ZNF814: variants seen among roughly 807,000 people sequenced by gnomAD.
The protein encoded by ZNF814 is zinc finger protein 814.
A neutral mutation model predicts 7.5 loss-of-function variants in ZNF814; 5 were observed. The observed-to-expected ratio is 0.67, with a 90% CI of 0.35 to 1.40. ZNF814 has a LOEUF of 1.40. ZNF814 is among the 40% of genes most tolerant of loss of function. The pLI, the probability that ZNF814 is intolerant of heterozygous loss-of-function variation, is 0.04. For missense variants in ZNF814, 962 were observed against 1,018.0 expected (o/e 0.94, Z 0.75); for synonymous variants, 315 against 340.7 (o/e 0.92, Z 0.83).
the ZNF814 span, among the ~76,000 whole-genome samples, chr19:57,895,344 C>T: frequency 1.3e-5 from 2 of 150,456 alleles, no homozygotes; most frequent in African/African-American, 2.4e-5. Flanking sequence ...GGTGCGATCT[C>T]GGCTCACTGC....
intron 1 of ZNF814, among the ~76,000 whole-genome samples, chr19:57,887,682 C>T (rs1053905612): frequency 1.3e-5 from 2 of 152,154 alleles, no homozygotes; most frequent in Admixed American, 1.3e-4. Flanking sequence ...TACCCACCCC[C>T]CTTTCCTCAA....
intron 2 of ZNF814, 125 bp from the exon 3 acceptor site, chr19:57,875,351 G>A: frequency 1.3e-6 from 2 of 1,591,776 alleles, no homozygotes; most frequent in Non-Finnish European, 1.7e-6. Context: ...CAGGATGTTG[G>A]CTTCAGGCGG....
the ZNF814 span, among the ~76,000 whole-genome samples, chr19:57,898,450 G>A: frequency 2.6e-5 from 4 of 152,182 alleles, no homozygotes; most frequent in Non-Finnish European, 5.9e-5. Flanking sequence ...CCGCATTAGG[G>A]TATCATTTTT....
upstream of ZNF814, among the ~76,000 whole-genome samples, chr19:57,890,223 A>G (rs2071727211): frequency 6.6e-6 from 1 of 152,262 alleles, no homozygotes; most frequent in South Asian, 2.1e-4. Flanking sequence ...TTATCAGGAC[A>G]GGGAAATTGC....
chr19:57,877,968 C>T (rs2071619397), intron 1 of ZNF814, among the ~76,000 whole-genome samples: 1 of 151,868 alleles, frequency 6.6e-6, no homozygotes, highest in Admixed American at 6.6e-5. Context: ...AGTTTCAGAC[C>T]AGCCTGGTTA....
At chr19:57,893,770 A>G (rs575468968), upstream of ZNF814, among the ~76,000 whole-genome samples, 2 of 151,244 alleles carry the variant, frequency 1.3e-5, no homozygotes, top group East Asian at 4.0e-4. Context: ...AATTGAAAAA[A>G]TAAGCCGGGT....
chr19:57,877,396 C>A (rs991106045), intron 1 of ZNF814, among the ~76,000 whole-genome samples: 1 of 152,170 alleles, frequency 6.6e-6, no homozygotes, highest in African/African-American at 2.4e-5. Context: ...GTGACTGCCA[C>A]ACACCACTGG....
chr19:57,886,872 G>A (rs1447451010), intron 1 of ZNF814, among the ~76,000 whole-genome samples: 1 of 150,444 alleles, frequency 6.6e-6, no homozygotes, highest in African/African-American at 2.5e-5. Context: ...AGACTGAGAC[G>A]CTGTCTCAGT....
the ZNF814 span, among the ~76,000 whole-genome samples, chr19:57,901,901 CAAT>C: frequency 1.7e-4 from 26 of 152,230 alleles, no homozygotes; most frequent in East Asian, 5.8e-4. Flanking sequence ...AGGTGTACAA[CAAT>C]GACAGAACCT....
At chr19:57,888,296 T>C (rs1024086479) in intron 1 of ZNF814, among the ~76,000 whole-genome samples, 2 of 152,228 alleles carry the variant, frequency 1.3e-5, no homozygotes, top group African/African-American at 4.8e-5. Context: ...AATTGCCTCC[T>C]TCGAACTCCA....
chr19:57,876,143 A>G (rs2071605909), intron 2 of ZNF814, among the ~76,000 whole-genome samples: 1 of 151,752 alleles, frequency 6.6e-6, no homozygotes, highest in South Asian at 2.1e-4. Flanking sequence ...ATTTTAGTAG[A>G]GACAGGGTTT....
intron 1 of ZNF814, among the ~76,000 whole-genome samples, chr19:57,883,174 G>C (rs1366382521): frequency 6.8e-6 from 1 of 148,112 alleles, no homozygotes; most frequent in Non-Finnish European, 1.5e-5. Context: ...CTGGCTAATG[G>C]GGTGAAACCC....
At chr19:57,877,091 T>C (rs761248041) in intron 1 of ZNF814, 49 bp from the exon 2 acceptor site, 1 of 1,605,746 alleles carries the variant, frequency 6.2e-7, no homozygotes, top group Non-Finnish European at 8.5e-7. Context: ...TATGCTGAGG[T>C]ATCACAATCC....
chr19:57,895,737 C>T, the ZNF814 span, among the ~76,000 whole-genome samples: 4 of 152,116 alleles, frequency 2.6e-5, no homozygotes, highest in African/African-American at 9.7e-5. Flanking sequence ...TCCTTTGGGC[C>T]GGTGGGTTTC....
Position 57,884,048 on chromosome 19 carries a change from A to C in ZNF814, c.36+4719T>G, listed in dbSNP as rs4801529. Among the ~76,000 whole-genome samples, 67 of 152,126 alleles carry C rather than the reference A, an allele frequency of 4.4e-4. 1 individual carries two copies. ...CTGGGATTATAGGCGTGAGTCACCGAGCCTGGCCGACAAAGACTTCTTGAG... is the reference window on the plus strand; with the variant it reads ...CTGGGATTATAGGCGTGAGTCACCGCGCCTGGCCGACAAAGACTTCTTGAG... On this transcript the variant is annotated intron_variant, in intron 1 of 2. Coordinates refer to ENST00000435989, the MANE Select transcript of ZNF814 (RefSeq NM_001144989.2).
At chr19:57,897,813 T>C in the ZNF814 span, among the ~76,000 whole-genome samples, 1 of 152,134 alleles carries the variant, frequency 6.6e-6, no homozygotes, top group Non-Finnish European at 1.5e-5. Flanking sequence ...AGAGGAATAA[T>C]TGATTCTAAT....
At chr19:57,892,711 G>A (rs1393384952), upstream of ZNF814, among the ~76,000 whole-genome samples, 3 of 152,224 alleles carry the variant, frequency 2.0e-5, no homozygotes, top group Admixed American at 6.5e-5. Context: ...CTGACAAGCA[G>A]CCACCTGAAC....
At chr19:57,904,360 G>A in the ZNF814 span, among the ~76,000 whole-genome samples, 421 of 152,172 alleles carry the variant, frequency 2.8e-3, no homozygotes, top group Non-Finnish European at 4.9e-3. Flanking sequence ...CCATACTGGC[G>A]TTGGCCCCTG....
chr19:57,871,687 G>T lies in ZNF814; in HGVS notation c.*1135C>A, dbSNP rs2071558140. On this transcript the variant is annotated 3_prime_UTR_variant, in exon 3 of 3. Coordinates refer to ENST00000435989, the MANE Select transcript of ZNF814 (RefSeq NM_001144989.2). ...CCGTCTTTTCAAGTCAACGTAAGAGGCCTCTGGGATAAAAATGGGTAACGT... is the reference window on the plus strand; with the variant it reads ...CCGTCTTTTCAAGTCAACGTAAGAGTCCTCTGGGATAAAAATGGGTAACGT... 6.6e-6 allele frequency: 1 copy of T among 151,882 alleles called. No homozygotes were observed. The highest frequency in any genetic ancestry group is 6.6e-5 in the Admixed American group (1 of 15,218). 9.4% of individuals were successfully genotyped at this position (151,882 alleles called of 1,614,324 possible).
Sources: gnomAD v4.1 joint callset for allele counts (sites outside exome capture counted in the v4.1 genomes callset) on GRCh38, gnomAD v4.1.1 for gene constraint, MANE v1.5 for transcripts, NCBI Gene and HGNC (gene_info 2026-07-23, HGNC 2026-07-21) for gene names.